The following GSE1 variants were observed in gnomAD, a reference collection of about 807,000 sequenced individuals.
The protein encoded by GSE1 is Gse1 coiled-coil protein.
GSE1 carries 32 observed loss-of-function variants against 112.6 expected under a neutral mutation model. The ratio of observed to expected loss-of-function variants is 0.28; its 90% confidence interval spans 0.21 to 0.38. GSE1 has a LOEUF of 0.38. GSE1 is among the 10% of genes least tolerant of loss of function. GSE1 has a pLI of 1.00. For synonymous variants in GSE1, 1,115 were observed against 735.6 expected (o/e 1.52, Z -8.35); for missense variants, 2,348 against 1,699.2 (o/e 1.38, Z -6.71).
At chr16:85,308,241 A>C (rs1248872878) in intron 1 of GSE1, among the ~76,000 whole-genome samples, 2 of 152,194 alleles carry the variant, frequency 1.3e-5, no homozygotes, top group Non-Finnish European at 2.9e-5. Context: ...CCTAGCTGGA[A>C]TCTCAGAGGG....
At chr16:85,540,370 C>A (rs75765063) in intron 2 of GSE1, among the ~76,000 whole-genome samples, 2 of 152,138 alleles carry the variant, frequency 1.3e-5, no homozygotes, top group Non-Finnish European at 2.9e-5. Flanking sequence ...TTCACTCACA[C>A]GGAATAGGTA....
intron 2 of GSE1, among the ~76,000 whole-genome samples, chr16:85,636,902 GACCCCCCAGCTCCCCTGTGCT>G (rs1425425869): frequency 6.6e-6 from 1 of 151,938 alleles, no homozygotes; most frequent in Admixed American, 6.6e-5. Flanking sequence ...GGGACATGTG[GACCCCCCAGCTCCCCTGTGCT>G]ACCCCCCCAG....
intron 1 of GSE1, among the ~76,000 whole-genome samples, chr16:85,228,901 A>G (rs1284467419): frequency 6.6e-6 from 1 of 152,242 alleles, no homozygotes; most frequent in East Asian, 1.9e-4. Context: ...ATGGAGAAGG[A>G]AAACATACCC....
At chr16:85,638,856 C>T (rs567054422) in intron 2 of GSE1, among the ~76,000 whole-genome samples, 18 of 152,076 alleles carry the variant, frequency 1.2e-4, no homozygotes, top group Middle Eastern at 3.4e-3. Flanking sequence ...TGTGGGTCCG[C>T]CATGGCTTCC....
chr16:85,384,639 C>T (rs1379467966), intron 2 of GSE1, among the ~76,000 whole-genome samples: 1 of 152,192 alleles, frequency 6.6e-6, no homozygotes, highest in Non-Finnish European at 1.5e-5. Context: ...GTGGCTCAGC[C>T]TACAGAAGGG....
At position 85,408,511 on chromosome 16, in the gene GSE1, C is replaced by T. The variant is rs2048381036; in HGVS notation, c.2464+50868C>T. Among the ~76,000 whole-genome samples, 2 of 51,820 alleles carry T rather than the reference C, an allele frequency of 3.9e-5. 1 individual carries two copies. The highest frequency in any genetic ancestry group is 1.8e-3 in the East Asian group (2 of 1,096). The allele number at this position is 51,820 out of a possible 152,430, so 34.0% of individuals were successfully genotyped here. The stretch of plus-strand genomic sequence containing the variant: ...GGCACCTGGATAATCCTCACTGTTA[C>T]ACTCAGGCCCCCTGGATAATCCTCA... On this transcript the variant is annotated intron_variant, in intron 2 of 2. Coordinates refer to the GSE1 transcript ENST00000637419.
chr16:85,205,152 C>G (rs2075093422), intron 1 of GSE1, among the ~76,000 whole-genome samples: 1 of 152,022 alleles, frequency 6.6e-6, no homozygotes, highest in Non-Finnish European at 1.5e-5. Flanking sequence ...TTTTTTGAGA[C>G]AGAGTCTCGC....
chr16:85,357,501 C>A, exon 2 of GSE1: 5 of 1,256,998 alleles, frequency 4.0e-6, no homozygotes, highest in Non-Finnish European at 5.1e-6. Context: ...CAGCCAGCCA[C>A]CCTCCCACCC....
chr16:85,590,751 G>A (rs2046969264), intron 1 of GSE1, among the ~76,000 whole-genome samples: 1 of 152,156 alleles, frequency 6.6e-6, no homozygotes, highest in Non-Finnish European at 1.5e-5. Flanking sequence ...CTTTGTGGGA[G>A]AAGTGGGTGT....
chr16:85,644,383 G>A (rs1470052844), intron 2 of GSE1, among the ~76,000 whole-genome samples: 2 of 150,998 alleles, frequency 1.3e-5, no homozygotes, highest in Non-Finnish European at 1.5e-5. Context: ...CAGTACTGTT[G>A]ACAGCGGCCA....
chr16:85,208,662 C>T (rs1375428410), intron 1 of GSE1, among the ~76,000 whole-genome samples: 1 of 152,008 alleles, frequency 6.6e-6, no homozygotes, highest in African/African-American at 2.4e-5. Context: ...CCATACTCTC[C>T]CTTGTTTTTT....
intron 1 of GSE1, among the ~76,000 whole-genome samples, chr16:85,214,216 G>T (rs565471029): frequency 1.3e-5 from 2 of 152,262 alleles, no homozygotes; most frequent in African/African-American, 4.8e-5. Context: ...GCACCACCTC[G>T]GGGAAGCCGA....
intron 1 of GSE1, among the ~76,000 whole-genome samples, chr16:85,192,089 T>C (rs1051556412): frequency 1.3e-5 from 2 of 152,232 alleles, no homozygotes; most frequent in African/African-American, 4.8e-5. Flanking sequence ...CTTCCAGCCC[T>C]TTTTTGCTCA....
At chr16:85,602,392 A>T (rs1403738745) in intron 1 of GSE1, among the ~76,000 whole-genome samples, 2 of 152,180 alleles carry the variant, frequency 1.3e-5, no homozygotes, top group African/African-American at 4.8e-5. Context: ...ACCCAGAAAT[A>T]AAAGTTTCTA....
At chr16:85,593,867 A>C (rs1598312102) in intron 1 of GSE1, 1 of 152,254 alleles carries the variant, frequency 6.6e-6, no homozygotes, top group East Asian at 1.9e-4. Flanking sequence ...TCTGGCCAGA[A>C]CAATGCGGTT....
At chr16:85,207,261 T>TGGCCC (rs2075135009) in intron 1 of GSE1, among the ~76,000 whole-genome samples, 1 of 152,332 alleles carries the variant, frequency 6.6e-6, no homozygotes, top group Admixed American at 6.5e-5. Flanking sequence ...AGCCCTGGCC[T>TGGCCC]GGCCCCTCAC....
At chr16:85,184,921 T>C (rs2074668776) in intron 1 of GSE1, among the ~76,000 whole-genome samples, 1 of 152,236 alleles carries the variant, frequency 6.6e-6, no homozygotes, top group Non-Finnish European at 1.5e-5. Context: ...TCTCTACATA[T>C]TAATTAACTT....
At chr16:85,663,884 C>T (rs985536944) in intron 11 of GSE1, among the ~76,000 whole-genome samples, 10 of 152,252 alleles carry the variant, frequency 6.6e-5, no homozygotes, top group African/African-American at 2.2e-4. Context: ...CCCGAGAAGG[C>T]GCTCTTTGAG....
intron 1 of GSE1, among the ~76,000 whole-genome samples, chr16:85,561,322 C>G (rs1400983581): frequency 2.0e-5 from 3 of 152,122 alleles, no homozygotes; most frequent in Non-Finnish European, 4.4e-5. Context: ...AGCAGGGCGC[C>G]GATCCTGGGC....
Sources: gnomAD v4.1 joint callset for allele counts (sites outside exome capture counted in the v4.1 genomes callset) on GRCh38, gnomAD v4.1.1 for gene constraint, MANE v1.5 for transcripts, NCBI Gene and HGNC (gene_info 2026-07-23, HGNC 2026-07-21) for gene names.